Variants in TEX11 observed in about 807,000 individuals in gnomAD.
TEX11 encodes testis-expressed protein 11.
Under a neutral mutation model 84.4 loss-of-function variants are expected in TEX11, and 7 were observed. That is an observed-to-expected ratio of 0.08 (90% CI 0.05 to 0.16). The LOEUF (loss-of-function observed/expected upper bound fraction) is 0.16, where lower values mean the gene tolerates loss of function less well. Among genes scored for constraint, TEX11 ranks in the 10% least tolerant of loss-of-function variants. TEX11 has a pLI of 1.00. For missense variants in TEX11, 551 were observed against 660.5 expected (o/e 0.83, Z 1.82); for synonymous variants, 264 against 222.8 (o/e 1.18, Z -1.64).
intron 2 of TEX11, among the ~76,000 whole-genome samples, chrX:70,883,253 G>A (rs1405169392): frequency 9.0e-6 from 1 of 111,710 alleles, no homozygotes; most frequent in Non-Finnish European, 1.9e-5. Flanking sequence ...GGCATTACAG[G>A]TGTGTGCCAC....
In TEX11 at chrX:70,601,534, C is replaced by T. The variant is rs867523511; in HGVS notation, c.2067+3867G>A. 4.0e-3 allele frequency among the ~76,000 whole-genome samples: 252 copies of T among 63,331 alleles called. 1 individual carries two copies. The highest frequency in any genetic ancestry group is 5.5e-3 in the Non-Finnish European group (200 of 36,484). 55.0% of individuals were successfully genotyped at this position (63,331 alleles called of 115,157 possible). On this transcript the variant is annotated intron_variant, in intron 24 of 29. Transcript: ENST00000374333. ...CTCATTTTATGAGGCCAGCATCATT[C>T]TTTTTTTTTTTTTTTTTTTTTATTG...
At chrX:70,845,413 C>T (rs779739200) in intron 7 of TEX11, among the ~76,000 whole-genome samples, 4 of 110,851 alleles carry the variant, frequency 3.6e-5, no homozygotes, top group Admixed American at 1.9e-4. Flanking sequence ...CCGCCCGCCT[C>T]GGCCTCCCAA....
chrX:70,664,215 C>T lies in TEX11; in HGVS notation c.1380+6162G>A, dbSNP rs772511890. Among the ~76,000 whole-genome samples the T allele has an allele frequency of 2.1e-4, 24 of 111,685 alleles. 1 individual carries two copies. Among genetic ancestry groups the T allele is most frequent in the Admixed American group, 9.5e-5 (1 of 10,545 alleles). On this transcript the variant is annotated intron_variant, in intron 16 of 29. Coordinates refer to ENST00000374333, the MANE Select transcript of TEX11 (RefSeq NM_031276.3). ...ATTGATTCAACCTAATTTGAGTAAA[C>T]TTTCTTAGTATTTTTGGCTTATGCA...
intron 25 of TEX11, among the ~76,000 whole-genome samples, chrX:70,555,082 A>G (rs1401366413): frequency 8.9e-6 from 1 of 111,947 alleles, no homozygotes; most frequent in East Asian, 2.8e-4. Flanking sequence ...GATGCTTCTA[A>G]ACAGCCTGAG....
intron 4 of TEX11, among the ~76,000 whole-genome samples, chrX:70,862,520 T>G (rs2091575769): frequency 9.0e-6 from 1 of 111,679 alleles, no homozygotes; most frequent in Non-Finnish European, 1.9e-5. Flanking sequence ...CTTAACAAAA[T>G]TAATTCATTC....
rs1005973330 is a variant in TEX11 at position 70,646,331 on chromosome X, A to G, written c.1483+5119T>C. ...CTGTAGAACTACTAAAAGAAAACAT[A>G]GAGGAAAAGTTCCACGACATTGCTA... On this transcript the variant is annotated intron_variant, in intron 17 of 29. Coordinates refer to ENST00000374333, the MANE Select transcript of TEX11 (RefSeq NM_031276.3). Among the ~76,000 whole-genome samples the G allele has an allele frequency of 2.7e-5, 3 of 112,371 alleles. No homozygotes were observed. The Admixed American group carries it at 2.8e-4, about 11-fold the overall frequency.
At chrX:70,716,821 C>T (rs760213008) in intron 13 of TEX11, among the ~76,000 whole-genome samples, 10 of 111,984 alleles carry the variant, frequency 8.9e-5, no homozygotes, top group African/African-American at 1.3e-4. Flanking sequence ...CAGTGAGATG[C>T]ACCCGGTACC....
chrX:70,855,588 T>C (rs757215554), intron 5 of TEX11, among the ~76,000 whole-genome samples: 1 of 110,230 alleles, frequency 9.1e-6, no homozygotes, highest in Admixed American at 9.8e-5. Context: ...AAGAATTAGT[T>C]ATTGTTACAA....
In TEX11 at chrX:70,530,056, T is replaced by C. The variant is rs1603026789; in HGVS notation, c.2521-57A>G. ...TTACTGTCACAGTTCATTGTGGCAC[T>C]ACCTGTATCCATGCTATGTCCCTTT... On this transcript the variant is annotated intron_variant, in intron 28 of 29. Coordinates refer to ENST00000374333, the MANE Select transcript of TEX11 (RefSeq NM_031276.3). 4.0e-6 allele frequency: 4 copies of C among 1,009,633 alleles called. No individual in the cohort carries two copies. The East Asian group carries it at 1.2e-4, about 31-fold the overall frequency. 83.2% of individuals were successfully genotyped at this position (1,009,633 alleles called of 1,213,427 possible).
intron 11 of TEX11, among the ~76,000 whole-genome samples, chrX:70,732,512 C>T (rs2090661465): frequency 9.0e-6 from 1 of 111,548 alleles, no homozygotes; most frequent in African/African-American, 3.3e-5. Context: ...CAAAAACAGT[C>T]AAACAGAGAG....
chrX:70,789,273 G>A (rs2091104303), intron 9 of TEX11, among the ~76,000 whole-genome samples: 1 of 110,292 alleles, frequency 9.1e-6, no homozygotes, highest in African/African-American at 3.3e-5. Context: ...GCTCAAAATC[G>A]CTACACATTA....
chrX:70,547,235 G>A (rs2088142020), intron 28 of TEX11, among the ~76,000 whole-genome samples: 1 of 110,274 alleles, frequency 9.1e-6, no homozygotes, highest in African/African-American at 3.3e-5. Flanking sequence ...GTGGGAGCAA[G>A]AATTGTCTGC....
At chrX:70,523,878 G>C in the TEX11 span, among the ~76,000 whole-genome samples, 2 of 108,236 alleles carry the variant, frequency 1.8e-5, no homozygotes, top group African/African-American at 6.8e-5. Context: ...GGAATGGTTT[G>C]CATGAGAGTC....
At chrX:70,609,936 A>C (rs2147528497) in intron 21 of TEX11, among the ~76,000 whole-genome samples, 1 of 110,478 alleles carries the variant, frequency 9.1e-6, no homozygotes, top group Admixed American at 9.7e-5. Flanking sequence ...TTATTAGTAG[A>C]TAAGGGAGAT....
chrX:70,688,588 T>C (rs2090208132), intron 13 of TEX11, among the ~76,000 whole-genome samples: 1 of 109,402 alleles, frequency 9.1e-6, no homozygotes, highest in Non-Finnish European at 1.9e-5. Context: ...AGTGAAAAGA[T>C]GTGGTTGCCA....
chrX:70,720,230 G>T (rs371332625), intron 13 of TEX11, among the ~76,000 whole-genome samples: 14 of 111,341 alleles, frequency 1.3e-4, no homozygotes, highest in African/African-American at 4.6e-4. Context: ...GGACATGGAT[G>T]AAGCTGGAAA....
At chrX:70,535,858 C>T (rs748218128) in intron 28 of TEX11, among the ~76,000 whole-genome samples, 7 of 109,524 alleles carry the variant, frequency 6.4e-5, no homozygotes, top group Admixed American at 2.9e-4. Context: ...CCTCCCACCT[C>T]GGCCTCCCAA....
At chrX:70,834,082 T>C (rs1232518250) in intron 7 of TEX11, among the ~76,000 whole-genome samples, 1 of 110,621 alleles carries the variant, frequency 9.0e-6, no homozygotes, top group Non-Finnish European at 1.9e-5. Flanking sequence ...CCAGCTACTT[T>C]AGAGGCTGAG....
At chrX:70,750,933 A>AATATATATATATATATATATATATAT (rs1169707708) in intron 9 of TEX11, among the ~76,000 whole-genome samples, 4 of 28,194 alleles carry the variant, frequency 1.4e-4, no homozygotes, top group Non-Finnish European at 2.8e-4. Flanking sequence ...AAAAAAAAAA[A>AATATATATATATATATATATATATAT]ATATATATAT....
Sources: allele counts gnomAD v4.1 joint callset (sites outside exome capture counted in the v4.1 genomes callset), GRCh38; gene constraint gnomAD v4.1.1; transcripts MANE v1.5; gene names NCBI Gene and HGNC (gene_info 2026-07-23, HGNC 2026-07-21).